ADPGK: variants seen among roughly 807,000 people sequenced by gnomAD.
The protein encoded by ADPGK is ADP-dependent glucokinase.
Under a neutral mutation model 42.4 loss-of-function variants are expected in ADPGK, and 26 were observed. That is an observed-to-expected ratio of 0.61 (90% CI 0.45 to 0.85). The LOEUF (loss-of-function observed/expected upper bound fraction) is 0.85. Ranked by LOEUF, ADPGK falls within the 40% of genes least tolerant of loss-of-function variation. The probability of loss-of-function intolerance (pLI) is 0.00; values close to 1 mark genes in which losing one functional copy is unlikely to be tolerated. For synonymous variants in ADPGK, 267 were observed against 252.6 expected (o/e 1.06, Z -0.54); for missense variants, 571 against 627.0 (o/e 0.91, Z 0.95).
At chr15:72,765,802 G>C (rs1197935454) in intron 3 of ADPGK, among the ~76,000 whole-genome samples, 7 of 152,202 alleles carry the variant, frequency 4.6e-5, no homozygotes, top group Non-Finnish European at 1.0e-4. Context: ...AACTTGAATG[G>C]ATAAAGAGTT....
chr15:72,780,314 G>A lies in ADPGK; in HGVS notation c.233+3145C>T, dbSNP rs539514959. Among the ~76,000 whole-genome samples the A allele has an allele frequency of 2.3e-4, 35 of 152,074 alleles. 1 individual carries two copies. The highest frequency in any genetic ancestry group is 4.3e-4 in the Non-Finnish European group (29 of 68,024). ...GGAGCCGTGCCGAGTGAATAGCAGG[G>A]AAGAGCCCCTTATAAAACCAAAGGA... On this transcript the variant is annotated intron_variant, in intron 1 of 6. Coordinates refer to ENST00000456471, the MANE Select transcript of ADPGK (RefSeq NM_001365225.1).
intron 1 of ADPGK, among the ~76,000 whole-genome samples, chr15:72,776,819 T>C (rs777151177): frequency 7.9e-5 from 12 of 152,214 alleles, no homozygotes; most frequent in Non-Finnish European, 1.2e-4. Flanking sequence ...GTTTTGCCTA[T>C]CAAATAGCAT....
intron 1 of ADPGK, among the ~76,000 whole-genome samples, chr15:72,780,909 G>A (rs1220211127): frequency 2.0e-5 from 3 of 151,852 alleles, no homozygotes; most frequent in Non-Finnish European, 4.4e-5. Context: ...CTACATCATT[G>A]CCGAGTTTGG....
chr15:72,776,352 T>G (rs772270584), intron 1 of ADPGK, among the ~76,000 whole-genome samples: 9 of 152,086 alleles, frequency 5.9e-5, no homozygotes, highest in Non-Finnish European at 1.3e-4. Flanking sequence ...TTCTGGCCAG[T>G]GAGGTTGGAT....
In ADPGK at chr15:72,755,547, T is replaced by A. The variant is rs1230652745; in HGVS notation, c.939+9A>T. The A allele has an allele frequency of 6.2e-7, 1 of 1,607,904 alleles. No homozygotes were observed. The stretch of plus-strand genomic sequence containing the variant: ...GGATCAGGGCCAAACGATGGTCCCA[T>A]GAGGTTACCTGATGGACAATGCTGC... On this transcript the variant is annotated intron_variant, in intron 6 of 6. Transcript: ENST00000456471.
chr15:72,777,905 T>C (rs1157406826), intron 1 of ADPGK, among the ~76,000 whole-genome samples: 1 of 152,018 alleles, frequency 6.6e-6, no homozygotes, highest in Non-Finnish European at 1.5e-5. Flanking sequence ...CGGGGGAAAA[T>C]AACCAGTTTT....
intron 1 of ADPGK, among the ~76,000 whole-genome samples, chr15:72,782,305 G>A (rs527993260): frequency 2.6e-5 from 4 of 152,124 alleles, no homozygotes; most frequent in African/African-American, 7.2e-5. Flanking sequence ...CTTGAGCTCA[G>A]GAGTTCGAGA....
chr15:72,783,393 G>A, intron 1 of ADPGK, 66 bp downstream of exon 1: 2 of 1,311,070 alleles, frequency 1.5e-6, no homozygotes, highest in South Asian at 2.2e-5. Flanking sequence ...CTGTTTCTGC[G>A]CGGCTCCGCC....
At chr15:72,779,849 A>G (rs2066435160) in intron 1 of ADPGK, among the ~76,000 whole-genome samples, 1 of 152,214 alleles carries the variant, frequency 6.6e-6, no homozygotes, top group Non-Finnish European at 1.5e-5. Flanking sequence ...TCTCATTTTC[A>G]GTAGCTGACA....
chr15:72,758,375 C>T (rs1316655421), intron 4 of ADPGK: 1 of 569,240 alleles, frequency 1.8e-6, no homozygotes, highest in African/African-American at 1.9e-5. Flanking sequence ...CACTGGATTC[C>T]CAGCCCAAGC....
Position 72,752,827 on chromosome 15 carries a change from G to A in ADPGK, c.1008C>T (p.Ala336=). 6.2e-7 allele frequency: 1 copy of A among 1,614,230 alleles called. No individual in the cohort carries two copies. The highest frequency in any genetic ancestry group is 1.1e-5 in the South Asian group (1 of 91,084). Residue 336 remains alanine, a synonymous_variant, in exon 7 of 7, where the codon GCC becomes GCT. Transcript: ENST00000456471. The stretch of plus-strand genomic sequence containing the variant: ...AAGAGAGAGAAGAGTGAGGTCCAGA[G>A]GCTGACTGGGTGAGAAATAACAGCT... The part of the protein sequence containing the change: ...EQELLFLTQS[A]SGPHSSLSSW...
chr15:72,769,407 G>A (rs4777537), intron 3 of ADPGK, among the ~76,000 whole-genome samples: 20,342 of 152,100 alleles, frequency 0.13, 1,993 homozygotes, highest in East Asian at 0.51. Flanking sequence ...GTGCAGTGGC[G>A]CAATCTCGGC....
Position 72,752,787 on chromosome 15 carries a change from G to C in ADPGK, c.1048C>G (p.Pro350Ala). The C allele has an allele frequency of 6.2e-7, 1 of 1,614,200 alleles. No homozygotes were observed. Among genetic ancestry groups the C allele is most frequent in the Non-Finnish European group, 8.5e-7 (1 of 1,180,048 alleles). The change falls in exon 7 of 7, where the codon CCT becomes GCT. Residue 350 changes from proline to alanine, a missense_variant. Pro to Ala is a conservative substitution (Grantham distance 27). Coordinates refer to ENST00000456471, the MANE Select transcript of ADPGK (RefSeq NM_001365225.1). ...ATGTCACTGACCATGCCCACATCAG[G>C]AACACCGTTCCAGGAAGAGAGAGAA... ...HSSLSSWNGV[P>A]DVGMVSDILF...
Position 72,756,382 on chromosome 15 carries a change from T to G in ADPGK, c.709A>C (p.Asn237His), listed in dbSNP as rs1168440721. ...NRFIFSHDLS[N>H]GAMNMLEVFV... ...ACCTCCAGCATATTCATGGCCCCGT[T>G]GGAGAGGTCGTGAGAGAAGATGAAT... is the stretch of plus-strand genomic sequence containing the variant. Residue 237 changes from asparagine to histidine, a missense_variant, in exon 5 of 7, where the codon AAC becomes CAC. Asn to His is a moderately conservative substitution (Grantham distance 68). Transcript: ENST00000456471. The G allele has an allele frequency of 1.9e-6, 3 of 1,614,180 alleles. No homozygotes were observed. The highest frequency in any genetic ancestry group is 3.3e-5 in the Admixed American group (2 of 60,022).
intron 4 of ADPGK, 31 bp from the exon 5 acceptor site, chr15:72,756,478 A>G (rs757721214): frequency 6.2e-7 from 1 of 1,612,622 alleles, no homozygotes; most frequent in Non-Finnish European, 8.5e-7. Context: ...CAATGGGAAG[A>G]AAAGGAAGAG....
intron 3 of ADPGK, among the ~76,000 whole-genome samples, chr15:72,764,648 A>G (rs2066235918): frequency 6.6e-6 from 1 of 152,264 alleles, no homozygotes; most frequent in Non-Finnish European, 1.5e-5. Context: ...TACACTAAAC[A>G]ACAGGTTCGA....
chr15:72,757,248 C>T (rs1205804346), intron 4 of ADPGK: 1 of 150,988 alleles, frequency 6.6e-6, no homozygotes, highest in Non-Finnish European at 1.5e-5. Context: ...ACTCTGTTGC[C>T]CAGGTTGGAG....
At chr15:72,760,549 T>G in intron 3 of ADPGK, 22 bp from the exon 4 acceptor site, 4 of 1,589,032 alleles carry the variant, frequency 2.5e-6, no homozygotes, top group Non-Finnish European at 3.4e-6. Context: ...CAACACGAAG[T>G]CCATCAGGAG....
chr15:72,783,260 G>C (rs2066490894), intron 1 of ADPGK, 199 bp downstream of exon 1: 8 of 1,241,506 alleles, frequency 6.4e-6, no homozygotes, highest in Non-Finnish European at 8.1e-6. Context: ...ATGAGAGAAA[G>C]GCGCAGAGGC....
Sources: gnomAD v4.1 joint callset for allele counts (sites outside exome capture counted in the v4.1 genomes callset) on GRCh38, gnomAD v4.1.1 for gene constraint, MANE v1.5 for transcripts, NCBI Gene and HGNC (gene_info 2026-07-23, HGNC 2026-07-21) for gene names.